Variants in AK5 observed in about 807,000 individuals in gnomAD.
AK5 encodes the protein adenylate kinase isoenzyme 5.
Under a neutral mutation model 69.5 loss-of-function variants are expected in AK5, and 27 were observed. The ratio of observed to expected loss-of-function variants is 0.39; its 90% CI spans 0.29 to 0.54. AK5 has a LOEUF of 0.54. Among genes scored for constraint, AK5 ranks in the 20% least tolerant of loss-of-function variants. AK5 has a pLI of 0.71. For synonymous variants in AK5, 260 were observed against 244.4 expected (o/e 1.06, Z -0.60); for missense variants, 531 against 700.4 (o/e 0.76, Z 2.73).
chr1:77,433,277 C>A (rs200878843), intron 8 of AK5, among the ~76,000 whole-genome samples: 2 of 13,120 alleles, frequency 1.5e-4, no homozygotes, highest in Non-Finnish European at 0.01. Context: ...AGAAACATAA[C>A]ATTCTCTCTA....
chr1:77,490,321 C>A (rs565973046), intron 10 of AK5, among the ~76,000 whole-genome samples: 1 of 152,240 alleles, frequency 6.6e-6, no homozygotes, highest in East Asian at 1.9e-4. Context: ...GTTTCTTGCT[C>A]ATTTGCAGGG....
chr1:77,410,911 C>T (rs1475893519), intron 6 of AK5, 70 bp from the exon 7 acceptor site: 17 of 1,172,638 alleles, frequency 1.4e-5, no homozygotes, highest in East Asian at 1.4e-4. Context: ...GATGGATGCT[C>T]ATTATATTTT....
intron 8 of AK5, among the ~76,000 whole-genome samples, chr1:77,427,256 C>G (rs1056877194): frequency 1.3e-5 from 2 of 152,038 alleles, no homozygotes; most frequent in Admixed American, 6.5e-5. Context: ...GAGCCTCTAG[C>G]CAGGCTAACC....
At chr1:77,329,473 C>A (rs2100349029) in intron 5 of AK5, among the ~76,000 whole-genome samples, 1 of 152,218 alleles carries the variant, frequency 6.6e-6, no homozygotes, top group South Asian at 2.1e-4. Flanking sequence ...GTTGCCCAGG[C>A]TGGTCTCAAA....
intron 10 of AK5, among the ~76,000 whole-genome samples, chr1:77,490,037 T>A (rs1445231708): frequency 2.0e-5 from 3 of 152,216 alleles, no homozygotes; most frequent in African/African-American, 7.2e-5. Flanking sequence ...TGTGTCTACA[T>A]CATTCATTTG....
At chr1:77,409,238 C>T (rs1460973099) in intron 6 of AK5, among the ~76,000 whole-genome samples, 2 of 152,138 alleles carry the variant, frequency 1.3e-5, no homozygotes, top group African/African-American at 4.8e-5. Context: ...GTGTATGTGT[C>T]TTTATGGGAG....
intron 8 of AK5, among the ~76,000 whole-genome samples, chr1:77,468,279 C>G (rs1471768492): frequency 6.6e-6 from 1 of 152,248 alleles, no homozygotes; most frequent in Non-Finnish European, 1.5e-5. Context: ...ACCTTCACCT[C>G]AAGTCAGGCC....
intron 13 of AK5, among the ~76,000 whole-genome samples, chr1:77,551,928 G>C (rs1349118601): frequency 6.6e-6 from 1 of 152,144 alleles, no homozygotes; most frequent in Non-Finnish European, 1.5e-5. Flanking sequence ...CGTGCTCATG[G>C]AGCTTATTGT....
At position 77,331,556 on chromosome 1, in the gene AK5, A is replaced by G. The variant is rs373167716; in HGVS notation, c.700-8821A>G. ...TGAAAGGTAAATCAATTTTTCACCC[A>G]CAGGTTAAATCCAAATTGGTCATGA... On this transcript the variant is annotated intron_variant, in intron 5 of 13. Transcript: ENST00000354567. Among the ~76,000 whole-genome samples the G allele has an allele frequency of 5.3e-5, 8 of 152,278 alleles. 1 individual carries two copies. Among genetic ancestry groups the G allele is most frequent in the African/African-American group, 1.9e-4 (8 of 41,570 alleles).
intron 5 of AK5, among the ~76,000 whole-genome samples, chr1:77,339,870 T>C (rs1355244835): frequency 2.0e-5 from 3 of 152,026 alleles, no homozygotes; most frequent in Non-Finnish European, 4.4e-5. Context: ...TTCTCCCGCC[T>C]CAGCCTCCCA....
At chr1:77,457,297 C>T (rs969880097) in intron 8 of AK5, among the ~76,000 whole-genome samples, 4 of 152,156 alleles carry the variant, frequency 2.6e-5, no homozygotes, top group Admixed American at 6.5e-5. Context: ...GCAGGTCCCT[C>T]GGGCTTGGGA....
At chr1:77,460,915 G>A (rs189122582) in intron 8 of AK5, among the ~76,000 whole-genome samples, 1 of 151,952 alleles carries the variant, frequency 6.6e-6, no homozygotes, top group Non-Finnish European at 1.5e-5. Flanking sequence ...GTAGAGACAG[G>A]GTTTCACTAT....
intron 8 of AK5, among the ~76,000 whole-genome samples, chr1:77,479,226 C>T (rs371160772): frequency 0.01 from 780 of 75,732 alleles, 12 homozygotes; most frequent in African/African-American, 0.037. Flanking sequence ...TTTTTTGAGG[C>T]GGAATTTCGC....
At chr1:77,367,314 T>G (rs1384748060) in intron 6 of AK5, among the ~76,000 whole-genome samples, 3 of 150,978 alleles carry the variant, frequency 2.0e-5, no homozygotes, top group South Asian at 4.2e-4. Context: ...TGAAATTTAT[T>G]TATGCTTTTT....
intron 6 of AK5, among the ~76,000 whole-genome samples, chr1:77,384,947 A>G (rs1647901944): frequency 6.6e-6 from 1 of 152,100 alleles, no homozygotes; most frequent in African/African-American, 2.4e-5. Flanking sequence ...CCTGGGTGCA[A>G]GTCCTAGCTC....
At position 77,368,251 on chromosome 1, in the gene AK5, A is replaced by ATC. The variant is rs1201080538; in HGVS notation, c.891+27684_891+27685insCT. On this transcript the variant is annotated intron_variant, in intron 6 of 13. Coordinates refer to ENST00000354567, the MANE Select transcript of AK5 (RefSeq NM_174858.3). Reference sequence around the variant, plus strand: ...TATATATATATATATATATATATATATAATATATATGTTATATATATGTTA... The same window carrying ATC: ...TATATATATATATATATATATATATATCTAATATATATGTTATATATATGTTA... Among the ~76,000 whole-genome samples the ATC allele has an allele frequency of 7.1e-5, 5 of 70,602 alleles. 1 individual carries two copies. Among genetic ancestry groups the ATC allele is most frequent in the Admixed American group, 2.0e-4 (1 of 5,120 alleles). 46.3% of individuals were successfully genotyped at this position (70,602 alleles called of 152,430 possible).
chr1:77,405,701 C>G (rs964582091), intron 6 of AK5, among the ~76,000 whole-genome samples: 1 of 152,076 alleles, frequency 6.6e-6, no homozygotes, highest in African/African-American at 2.4e-5. Context: ...GGATCCAACT[C>G]CCCCTAGGAA....
At chr1:77,346,020 GAGAAA>G (rs1301981892) in intron 6 of AK5, 1 of 152,162 alleles carries the variant, frequency 6.6e-6, no homozygotes, top group Non-Finnish European at 1.5e-5. Context: ...AAGTAAGATA[GAGAAA>G]AGAAAATATT....
At chr1:77,420,952 A>G (rs940973024) in intron 8 of AK5, among the ~76,000 whole-genome samples, 1 of 152,266 alleles carries the variant, frequency 6.6e-6, no homozygotes, top group African/African-American at 2.4e-5. Context: ...CAATATGTAA[A>G]CAATGAATGT....
Sources: gnomAD v4.1 joint callset for allele counts (sites outside exome capture counted in the v4.1 genomes callset) on GRCh38, gnomAD v4.1.1 for gene constraint, MANE v1.5 for transcripts, NCBI Gene and HGNC (gene_info 2026-07-23, HGNC 2026-07-21) for gene names.